MCC: variants seen among roughly 807,000 people sequenced by gnomAD.
MCC encodes the protein colorectal mutant cancer protein.
A neutral mutation model predicts 116.2 loss-of-function variants in MCC; 90 were observed. The ratio of observed to expected loss-of-function variants is 0.77; its 90% CI spans 0.65 to 0.92. The LOEUF (loss-of-function observed/expected upper bound fraction) is 0.92. Ranked by LOEUF, MCC falls within the 40% of genes least tolerant of loss-of-function variation. The pLI is 0.00. For synonymous variants in MCC, 578 were observed against 510.5 expected (o/e 1.13, Z -1.78); for missense variants, 1,516 against 1,312.2 (o/e 1.16, Z -2.40).
intron 3 of MCC, among the ~76,000 whole-genome samples, chr5:113,333,986 T>C (rs963974539): frequency 1.4e-5 from 2 of 145,048 alleles, no homozygotes; most frequent in South Asian, 4.3e-4. Context: ...CTTTCTGTTA[T>C]GCACATGGCT....
chr5:113,438,670 G>C (rs1427547640), intron 1 of MCC, among the ~76,000 whole-genome samples: 1 of 152,038 alleles, frequency 6.6e-6, no homozygotes, highest in Non-Finnish European at 1.5e-5. Context: ...TTATACCTTA[G>C]AATATCCCAG....
chr5:113,122,931 A>T, intron 5 of MCC, 105 bp from the exon 6 acceptor site: 1 of 1,207,052 alleles, frequency 8.3e-7, no homozygotes, highest in Non-Finnish European at 1.2e-6. Context: ...GAGAAAACAG[A>T]TTTCTCCCCC....
chr5:113,061,510 T>A (rs750426668), intron 14 of MCC, among the ~76,000 whole-genome samples: 7 of 152,214 alleles, frequency 4.6e-5, no homozygotes, highest in Non-Finnish European at 1.0e-4. Context: ...AAGACTATTA[T>A]ACTTTCTGAT....
intron 3 of MCC, chr5:113,323,271 T>G (rs914007343): frequency 6.6e-6 from 1 of 152,220 alleles, no homozygotes; most frequent in African/African-American, 2.4e-5. Context: ...CCACAGAAAC[T>G]AGGTGAGACA....
At chr5:113,323,944 C>A (rs964666680) in intron 3 of MCC, among the ~76,000 whole-genome samples, 5 of 152,166 alleles carry the variant, frequency 3.3e-5, no homozygotes, top group Admixed American at 2.6e-4. Flanking sequence ...ACCACTAATG[C>A]CTGGCTTACT....
intron 17 of MCC, among the ~76,000 whole-genome samples, chr5:113,030,232 CAG>C (rs1750861073): frequency 1.3e-5 from 2 of 152,162 alleles, no homozygotes; most frequent in Admixed American, 6.5e-5. Context: ...ACAGAGATAT[CAG>C]GAGCACAGGT....
intron 2 of MCC, among the ~76,000 whole-genome samples, chr5:113,353,641 C>G (rs1768337291): frequency 6.6e-6 from 1 of 152,188 alleles, no homozygotes; most frequent in African/African-American, 2.4e-5. Context: ...AATATTCAAT[C>G]TGGTCTAGAG....
chr5:113,053,629 G>C, intron 15 of MCC, 96 bp downstream of exon 15: 2 of 804,098 alleles, frequency 2.5e-6, no homozygotes, highest in Non-Finnish European at 4.1e-6. Context: ...TGGGCAGGAG[G>C]GGTTGATTCC....
Position 113,245,253 on chromosome 5 carries a change from C to T in MCC, c.628-93831G>A, listed in dbSNP as rs1178197626. 1.0e-4 allele frequency among the ~76,000 whole-genome samples: 15 copies of T among 148,622 alleles called. No homozygotes were observed. The South Asian group carries it at 3.2e-3, about 32-fold the overall frequency. On this transcript the variant is annotated intron_variant, in intron 3 of 18. Transcript: ENST00000408903. ...GTTGCAGTAAGCCAAGATCGCACCA[C>T]TGCATTCCAGCCTAGGCAACGAGAG...
chr5:113,197,454 A>C (rs1762469417), intron 3 of MCC, among the ~76,000 whole-genome samples: 1 of 152,086 alleles, frequency 6.6e-6, no homozygotes, highest in South Asian at 2.1e-4. Flanking sequence ...CACACTAAAA[A>C]CCACTGGATT....
At chr5:113,117,870 C>T (rs1227143694) in intron 6 of MCC, among the ~76,000 whole-genome samples, 1 of 152,198 alleles carries the variant, frequency 6.6e-6, no homozygotes, top group Non-Finnish European at 1.5e-5. Context: ...AAATGCTTCA[C>T]TATTAAGCCA....
intron 4 of MCC, among the ~76,000 whole-genome samples, chr5:113,143,819 C>T (rs1441763211): frequency 6.6e-6 from 1 of 152,202 alleles, no homozygotes; most frequent in African/African-American, 2.4e-5. Flanking sequence ...TTCCCAAGTT[C>T]CTTTATGGCT....
chr5:113,223,933 TC>T (rs1763641889), intron 3 of MCC, among the ~76,000 whole-genome samples: 1 of 152,090 alleles, frequency 6.6e-6, no homozygotes, highest in East Asian at 1.9e-4. Context: ...GGCCAAGGAC[TC>T]CTAGACCTTC....
intron 1 of MCC, among the ~76,000 whole-genome samples, chr5:113,439,912 T>G (rs767537639): frequency 2.0e-5 from 3 of 152,178 alleles, no homozygotes; most frequent in African/African-American, 7.2e-5. Flanking sequence ...TTGCCCACAC[T>G]GGAGTGCAGT....
chr5:113,486,669 C>G (rs1772539230), intron 1 of MCC, among the ~76,000 whole-genome samples: 1 of 151,848 alleles, frequency 6.6e-6, no homozygotes, highest in African/African-American at 2.4e-5. Context: ...ATTGTGAAGC[C>G]CCTTCTCTAC....
At chr5:113,044,837 G>A (rs978110049) in intron 16 of MCC, among the ~76,000 whole-genome samples, 1 of 152,216 alleles carries the variant, frequency 6.6e-6, no homozygotes, top group Admixed American at 6.5e-5. Context: ...GCCTCCCAAA[G>A]TGCTGGGATC....
chr5:113,050,713 A>G (rs140886323), intron 15 of MCC, among the ~76,000 whole-genome samples: 5 of 152,376 alleles, frequency 3.3e-5, no homozygotes, highest in Admixed American at 3.3e-4. Flanking sequence ...GAACAAACAT[A>G]TAAGTGCAGG....
intron 1 of MCC, among the ~76,000 whole-genome samples, chr5:113,427,324 T>C (rs1054907107): frequency 6.6e-6 from 1 of 152,234 alleles, no homozygotes; most frequent in Non-Finnish European, 1.5e-5. Context: ...TTATGTGGAC[T>C]GCTGCTGATA....
intron 5 of MCC, among the ~76,000 whole-genome samples, chr5:113,129,086 T>C (rs1758270393): frequency 6.6e-6 from 1 of 152,320 alleles, no homozygotes; most frequent in South Asian, 2.1e-4. Flanking sequence ...GGGGGCATTT[T>C]GTAGCAGACC....
Sources: allele counts gnomAD v4.1 joint callset (sites outside exome capture counted in the v4.1 genomes callset), GRCh38; gene constraint gnomAD v4.1.1; transcripts MANE v1.5; gene names NCBI Gene and HGNC (gene_info 2026-07-23, HGNC 2026-07-21).